The following PRLR variants were observed in gnomAD, a reference collection of about 807,000 sequenced individuals.
The protein encoded by PRLR is prolactin receptor.
PRLR carries 13 observed loss-of-function variants against 40.2 expected under a neutral mutation model. The observed-to-expected ratio is 0.32, with a 90% CI of 0.21 to 0.51. The LOEUF (loss-of-function observed/expected upper bound fraction) is 0.51. Ranked by LOEUF, PRLR falls within the 20% of genes least tolerant of loss-of-function variation. The pLI, the probability that PRLR is intolerant of heterozygous loss-of-function variation, is 0.97. For missense variants in PRLR, 656 were observed against 747.3 expected (o/e 0.88, Z 1.42); for synonymous variants, 269 against 278.7 (o/e 0.97, Z 0.35).
intron 1 of PRLR, among the ~76,000 whole-genome samples, chr5:35,126,459 G>A (rs1773469689): frequency 6.6e-6 from 1 of 152,104 alleles, no homozygotes; most frequent in African/African-American, 2.4e-5. Flanking sequence ...TAGTCCAATT[G>A]CATCAATCAT....
At position 35,059,686 on chromosome 5, in the gene PRLR, G is replaced by C. The variant is rs1768918097; in HGVS notation, c.*5403C>G. The C allele has an allele frequency of 1.3e-5, 2 of 152,072 alleles. No homozygotes were observed. Among genetic ancestry groups the C allele is most frequent in the Non-Finnish European group, 2.9e-5 (2 of 68,026 alleles). The allele number at this position is 152,072 out of a possible 1,614,324, so 9.4% of individuals were successfully genotyped here. The stretch of plus-strand genomic sequence containing the variant: ...ACCATCCTGAAAAACAAAAGTCTGG[G>C]GAGAGAACTCCTGTTTTATTTTCAG... On this transcript the variant is annotated 3_prime_UTR_variant, in exon 10 of 10. Coordinates refer to ENST00000618457, the MANE Select transcript of PRLR (RefSeq NM_000949.7).
At chr5:35,094,440 T>C (rs1771408926) in intron 2 of PRLR, among the ~76,000 whole-genome samples, 1 of 152,212 alleles carries the variant, frequency 6.6e-6, no homozygotes, top group African/African-American at 2.4e-5. Context: ...TTATTCATTC[T>C]ACTGTGTTGA....
At position 35,065,431 on chromosome 5, in the gene PRLR, A is replaced by G. The variant is rs890644817; in HGVS notation, c.1527T>C (p.Tyr509=). ...CTTTGTTGACCTTGTGAATCTCCAC[A>G]TAATCCAAGGGTTTAGCGGAGCCAA... The part of the protein sequence containing the change: ...TPFGSAKPLD[Y]VEIHKVNKDG... The change falls in exon 10 of 10, where the codon TAT becomes TAC. Residue 509 remains tyrosine (Y), a synonymous_variant. Transcript: ENST00000618457. 3.1e-6 allele frequency: 5 copies of G among 1,614,058 alleles called. No homozygotes were observed. In the Admixed American group the frequency reaches 5.0e-5, roughly 16 times the overall value.
intron 1 of PRLR, among the ~76,000 whole-genome samples, chr5:35,134,984 G>A (rs1359675875): frequency 6.6e-6 from 1 of 152,254 alleles, no homozygotes; most frequent in Admixed American, 6.5e-5. Flanking sequence ...ACATTGGACT[G>A]AGGAACATGT....
intron 1 of PRLR, among the ~76,000 whole-genome samples, chr5:35,186,062 A>T (rs1015841745): frequency 4.6e-5 from 7 of 152,110 alleles, no homozygotes; most frequent in African/African-American, 1.7e-4. Flanking sequence ...TGGGCACGGG[A>T]TGTACCACAT....
Position 35,083,068 on chromosome 5 carries a change from T to TACACAC in PRLR, c.373+1396_373+1401dup, listed in dbSNP as rs3836809. Among the ~76,000 whole-genome samples the TACACAC allele has an allele frequency of 3.3e-3, 476 of 144,832 alleles. 3 individuals are homozygous for TACACAC. Among genetic ancestry groups the TACACAC allele is most frequent in the African/African-American group, 8.4e-3 (334 of 39,784 alleles). On this transcript the variant is annotated intron_variant, in intron 5 of 9. Transcript: ENST00000618457. Reference sequence around the variant, plus strand: ...ATTATAATGCTTGAGGGTAAGGCAATACACACACACACACACACACACACA... The same window carrying TACACAC: ...ATTATAATGCTTGAGGGTAAGGCAATACACACACACACACACACACACACACACACA...
intron 1 of PRLR, among the ~76,000 whole-genome samples, chr5:35,200,374 G>T (rs951670497): frequency 1.3e-5 from 2 of 152,178 alleles, no homozygotes; most frequent in Non-Finnish European, 2.9e-5. Context: ...AGAGAAAGTT[G>T]CTAGTCACTC....
chr5:35,069,700 G>A (rs577302359), intron 7 of PRLR, among the ~76,000 whole-genome samples: 2 of 152,346 alleles, frequency 1.3e-5, no homozygotes, highest in East Asian at 3.8e-4. Context: ...TGCTGGAGCT[G>A]TCTATCTTAT....
At chr5:35,164,085 G>A (rs528498722) in intron 1 of PRLR, among the ~76,000 whole-genome samples, 1 of 152,364 alleles carries the variant, frequency 6.6e-6, no homozygotes, top group South Asian at 2.1e-4. Flanking sequence ...TAAGCCGTCA[G>A]TCACGTCATT....
chr5:35,094,824 C>CTTT (rs143791323), intron 2 of PRLR, among the ~76,000 whole-genome samples: 29 of 113,972 alleles, frequency 2.5e-4, no homozygotes, highest in Non-Finnish European at 3.3e-4. Context: ...AGGAGTTGGG[C>CTTT]TTTTTTTTTT....
intron 1 of PRLR, among the ~76,000 whole-genome samples, chr5:35,131,360 C>A (rs1773665046): frequency 6.6e-6 from 1 of 152,006 alleles, no homozygotes; most frequent in Non-Finnish European, 1.5e-5. Context: ...AGATCCAGAG[C>A]TAGAAAATGA....
chr5:35,078,232 C>T (rs1770246324), intron 5 of PRLR, among the ~76,000 whole-genome samples: 1 of 151,920 alleles, frequency 6.6e-6, no homozygotes, highest in African/African-American at 2.4e-5. Flanking sequence ...GATAGAGACA[C>T]AAAAAACCTT....
chr5:35,227,211 A>T (rs1156964908), intron 1 of PRLR, among the ~76,000 whole-genome samples: 10 of 152,142 alleles, frequency 6.6e-5, no homozygotes, highest in Admixed American at 6.5e-4. Flanking sequence ...TGTTCACACC[A>T]CTTAAAAGCA....
intron 1 of PRLR, among the ~76,000 whole-genome samples, chr5:35,220,558 G>A (rs1033590428): frequency 1.8e-4 from 27 of 152,112 alleles, no homozygotes; most frequent in African/African-American, 6.3e-4. Flanking sequence ...TTTATTTATT[G>A]TTTGTTTTTA....
intron 1 of PRLR, among the ~76,000 whole-genome samples, chr5:35,140,034 A>G (rs1330306532): frequency 1.3e-5 from 2 of 152,366 alleles, no homozygotes; most frequent in Non-Finnish European, 2.9e-5. Flanking sequence ...TAGAATTAAC[A>G]CATGAATTTT....
intron 1 of PRLR, among the ~76,000 whole-genome samples, chr5:35,183,839 C>T (rs1426247290): frequency 6.6e-6 from 1 of 152,164 alleles, no homozygotes; most frequent in African/African-American, 2.4e-5. Flanking sequence ...TGTGAGAAAA[C>T]CACAACAAGT....
At chr5:35,071,118 T>C (rs1769721663) in intron 6 of PRLR, among the ~76,000 whole-genome samples, 1 of 152,050 alleles carries the variant, frequency 6.6e-6, no homozygotes, top group Non-Finnish European at 1.5e-5. Flanking sequence ...CAATATAGAG[T>C]ACATAATATC....
intron 1 of PRLR, among the ~76,000 whole-genome samples, chr5:35,172,612 C>T (rs976589717): frequency 6.6e-6 from 1 of 152,322 alleles, no homozygotes; most frequent in Admixed American, 6.5e-5. Flanking sequence ...TCTGCTGACA[C>T]CTTTGTAAAG....
chr5:35,159,661 C>T (rs951173168), intron 1 of PRLR, among the ~76,000 whole-genome samples: 2 of 152,142 alleles, frequency 1.3e-5, no homozygotes, highest in East Asian at 3.8e-4. Context: ...TATAGAAACC[C>T]AAGTAATTCC....
Sources: gnomAD v4.1 joint callset for allele counts (sites outside exome capture counted in the v4.1 genomes callset) on GRCh38, gnomAD v4.1.1 for gene constraint, MANE v1.5 for transcripts, NCBI Gene and HGNC (gene_info 2026-07-23, HGNC 2026-07-21) for gene names.